The following AKAP7 variants were observed in gnomAD, a reference collection of about 807,000 sequenced individuals.
The protein encoded by AKAP7 is A kinase (PRKA) anchor protein 7.
Under a neutral mutation model 39.5 loss-of-function variants are expected in AKAP7, and 39 were observed. The ratio of observed to expected loss-of-function variants is 0.99; its 90% CI spans 0.76 to 1.29. AKAP7 has a LOEUF of 1.29. Among genes scored for constraint, AKAP7 ranks in the 50% most tolerant of loss-of-function variants. AKAP7 has a pLI of 0.00. For missense variants in AKAP7, 414 were observed against 407.7 expected (o/e 1.02, Z -0.13); for synonymous variants, 140 against 139.1 (o/e 1.01, Z -0.05).
intron 7 of AKAP7, among the ~76,000 whole-genome samples, chr6:131,224,954 G>A (rs999575226): frequency 6.6e-6 from 1 of 151,282 alleles, no homozygotes; most frequent in African/African-American, 2.4e-5. Context: ...ACAGGGTTTT[G>A]CCATGTTGGC....
At chr6:131,202,069 C>T (rs1433855635) in intron 6 of AKAP7, among the ~76,000 whole-genome samples, 3 of 151,980 alleles carry the variant, frequency 2.0e-5, no homozygotes, top group Non-Finnish European at 4.4e-5. Flanking sequence ...AGATACATCT[C>T]ACACCAGTTA....
intron 7 of AKAP7, among the ~76,000 whole-genome samples, chr6:131,279,946 T>C (rs1815072493): frequency 6.6e-6 from 1 of 152,208 alleles, no homozygotes. Context: ...CTGTAGAGTA[T>C]AAACACCGTG....
intron 6 of AKAP7, among the ~76,000 whole-genome samples, chr6:131,207,490 A>AAT (rs1398840671): frequency 4.9e-5 from 4 of 80,892 alleles, no homozygotes; most frequent in African/African-American, 1.9e-4. Context: ...GGCTAATTAA[A>AAT]ATTTTTTTTT....
At chr6:131,132,673 CT>C (rs1800353437), upstream of AKAP7, among the ~76,000 whole-genome samples, 1 of 151,992 alleles carries the variant, frequency 6.6e-6, no homozygotes, top group Non-Finnish European at 1.5e-5. Flanking sequence ...TGGTCTGATT[CT>C]TTCCTCATCA....
intron 7 of AKAP7, among the ~76,000 whole-genome samples, chr6:131,246,155 A>G (rs1811988087): frequency 6.6e-6 from 1 of 151,580 alleles, no homozygotes. Flanking sequence ...TAACCAACAG[A>G]GAATAGAGCT....
At chr6:131,198,422 G>A (rs1435009571) in intron 5 of AKAP7, among the ~76,000 whole-genome samples, 2 of 152,112 alleles carry the variant, frequency 1.3e-5, no homozygotes, top group East Asian at 3.9e-4. Flanking sequence ...GAATTGTTTT[G>A]TATTTCTATA....
At chr6:131,166,744 A>G (rs1011683360) in intron 4 of AKAP7, among the ~76,000 whole-genome samples, 1 of 152,184 alleles carries the variant, frequency 6.6e-6, no homozygotes, top group Admixed American at 6.5e-5. Flanking sequence ...CTAGAATGGA[A>G]TTGATGAGGT....
chr6:131,259,747 A>C (rs1813152092), intron 7 of AKAP7, among the ~76,000 whole-genome samples: 1 of 152,218 alleles, frequency 6.6e-6, no homozygotes, highest in South Asian at 2.1e-4. Flanking sequence ...TTAAGGCAGA[A>C]TTTTCAAACT....
At chr6:131,203,441 A>G (rs1023634939) in intron 6 of AKAP7, among the ~76,000 whole-genome samples, 2 of 152,162 alleles carry the variant, frequency 1.3e-5, no homozygotes, top group African/African-American at 4.8e-5. Flanking sequence ...GGAGTGGCGA[A>G]ATAATAGTTT....
intron 5 of AKAP7, among the ~76,000 whole-genome samples, chr6:131,185,992 A>G (rs1387887586): frequency 6.6e-6 from 1 of 152,152 alleles, no homozygotes; most frequent in Non-Finnish European, 1.5e-5. Context: ...TAATTTTTGT[A>G]TATGGTGTAA....
chr6:131,240,208 G>C (rs1044806256), intron 7 of AKAP7, among the ~76,000 whole-genome samples: 11 of 152,332 alleles, frequency 7.2e-5, no homozygotes, highest in African/African-American at 2.6e-4. Flanking sequence ...AGCAGCGGAG[G>C]CTGCAGAACA....
intron 5 of AKAP7, among the ~76,000 whole-genome samples, chr6:131,194,404 T>A (rs9492857): frequency 0.024 from 3,608 of 152,228 alleles, 82 homozygotes; most frequent in African/African-American, 0.061. Context: ...ATGCTTGATA[T>A]TAATTTTAGT....
At chr6:131,203,788 A>AT (rs747687691) in intron 6 of AKAP7, among the ~76,000 whole-genome samples, 9 of 152,178 alleles carry the variant, frequency 5.9e-5, no homozygotes, top group Non-Finnish European at 1.0e-4. Context: ...ATTTATCATA[A>AT]TTTAAACATT....
At chr6:131,272,211 G>A (rs1814340462) in intron 7 of AKAP7, among the ~76,000 whole-genome samples, 1 of 152,040 alleles carries the variant, frequency 6.6e-6, no homozygotes, top group South Asian at 2.1e-4. Context: ...CGATAGTGAT[G>A]TTTCCACCCC....
At chr6:131,220,907 C>T (rs1035182731) in intron 7 of AKAP7, among the ~76,000 whole-genome samples, 1 of 151,872 alleles carries the variant, frequency 6.6e-6, no homozygotes, top group Non-Finnish European at 1.5e-5. Context: ...GTGTGTGTTC[C>T]GACTGCTCCA....
chr6:131,190,663 A>G (rs889802194), intron 5 of AKAP7, among the ~76,000 whole-genome samples: 2 of 152,024 alleles, frequency 1.3e-5, no homozygotes, highest in Non-Finnish European at 2.9e-5. Context: ...AAAAAGGAAA[A>G]AAAGAGAAAA....
Position 131,179,207 on chromosome 6 carries a change from C to T in AKAP7, c.589+9934C>T, listed in dbSNP as rs758137853. Among the ~76,000 whole-genome samples the T allele has an allele frequency of 6.8e-4, 103 of 152,026 alleles. No homozygotes were observed. In the Middle Eastern group the frequency reaches 0.01, roughly 15 times the overall value. ...TGTTTGTTTTGAGATGGAGTCTCGC[C>T]CTGTTGCCCAGGCTGGAGTGCAGTT... On this transcript the variant is annotated intron_variant, in intron 5 of 7. Transcript: ENST00000431975.
At position 131,197,230 on chromosome 6, in the gene AKAP7, T is replaced by C. The variant is rs564842284; in HGVS notation, c.590-2231T>C. 2.6e-5 allele frequency among the ~76,000 whole-genome samples: 4 copies of C among 152,324 alleles called. 1 individual carries two copies. The highest frequency in any genetic ancestry group is 9.6e-5 in the African/African-American group (4 of 41,586). On this transcript the variant is annotated intron_variant, in intron 5 of 7. Coordinates refer to ENST00000431975, the MANE Select transcript of AKAP7 (RefSeq NM_016377.4). ...TATTTATCAACCATTTATTTATTGA[T>C]GAAGGTTGTTTCCAGTTTGTGCAAC... is the stretch of plus-strand genomic sequence containing the variant.
intron 6 of AKAP7, among the ~76,000 whole-genome samples, chr6:131,212,269 A>G (rs1315541354): frequency 2.6e-5 from 4 of 152,230 alleles, no homozygotes; most frequent in African/African-American, 9.6e-5. Flanking sequence ...GTTGAATGTT[A>G]TATAAAAATT....
Sources: gnomAD v4.1 joint callset for allele counts (sites outside exome capture counted in the v4.1 genomes callset) on GRCh38, gnomAD v4.1.1 for gene constraint, MANE v1.5 for transcripts, NCBI Gene and HGNC (gene_info 2026-07-23, HGNC 2026-07-21) for gene names.